Variants in IVD observed in about 807,000 individuals in gnomAD.
The protein encoded by IVD is isovaleryl-CoA dehydrogenase.
A neutral mutation model predicts 51.3 loss-of-function variants in IVD; 31 were observed. The ratio of observed to expected loss-of-function variants is 0.60; its 90% CI spans 0.45 to 0.81. The LOEUF (loss-of-function observed/expected upper bound fraction) is 0.81. Ranked by LOEUF, IVD falls within the 40% of genes least tolerant of loss-of-function variation. The pLI is 0.00. For synonymous variants in IVD, 205 were observed against 219.4 expected, an observed-to-expected ratio of 0.93 and a Z score of 0.58; for missense variants, 475 against 552.0, an observed-to-expected ratio of 0.86 and a Z score of 1.40.
intron 7 of IVD, 165 bp from the exon 8 acceptor site, chr15:40,414,724 G>A (rs1032231304): frequency 4.9e-6 from 6 of 1,215,770 alleles, no homozygotes; most frequent in African/African-American, 1.5e-5. Flanking sequence ...GACTGGAAGG[G>A]GTTCACTTGA....
Position 40,410,801 on chromosome 15 carries a change from A to C in IVD, c.456+4A>C. ...GAAAGAGAAGTATCTCCCGAAGGTG[A>C]GGAAATGGAAATGTAATACACGCTA... is the stretch of plus-strand genomic sequence containing the variant. On this transcript the variant is annotated splice_donor_region_variant and intron_variant, in intron 4 of 11. Coordinates refer to ENST00000487418, the MANE Select transcript of IVD (RefSeq NM_002225.5). 6.2e-7 allele frequency: 1 copy of C among 1,614,106 alleles called. No homozygotes were observed. The highest frequency in any genetic ancestry group is 8.5e-7 in the Non-Finnish European group (1 of 1,180,008).
At chr15:40,413,382 T>G (rs1891293120) in intron 7 of IVD, among the ~76,000 whole-genome samples, 1 of 152,342 alleles carries the variant, frequency 6.6e-6, no homozygotes, top group Admixed American at 6.5e-5. Flanking sequence ...TCCTGTACTT[T>G]CGCCCATCCA....
intron 3 of IVD, among the ~76,000 whole-genome samples, chr15:40,409,666 G>A (rs1031396585): frequency 2.0e-5 from 3 of 152,086 alleles, no homozygotes; most frequent in Admixed American, 6.6e-5. Context: ...GTGGTATCAG[G>A]TGTCTCAGCC....
chr15:40,421,210 G>A lies in IVD; in HGVS notation c.*2947G>A, dbSNP rs980125351. ...CAAAATGGGGCGCTTCATCCAGTCT[G>A]TCTAAGCCCTGTCGACTTGGGGAGG... On this transcript the variant is annotated 3_prime_UTR_variant, in exon 12 of 12. Transcript: ENST00000487418. 3.6e-5 allele frequency: 35 copies of A among 985,356 alleles called. No individual in the cohort carries two copies. Among genetic ancestry groups the A allele is most frequent in the Non-Finnish European group, 3.4e-5 (28 of 829,948 alleles). The allele number at this position is 985,356 out of a possible 1,614,324, so 61.0% of individuals were successfully genotyped here. A position where few individuals can be genotyped will look rare whatever the true frequency, so the allele number is the denominator to read the frequency against.
downstream of IVD, among the ~76,000 whole-genome samples, chr15:40,423,224 C>A (rs146500972): frequency 3.1e-3 from 467 of 152,292 alleles, 1 homozygote; most frequent in African/African-American, 0.011. Flanking sequence ...AGGCGTTGAG[C>A]CAGTGTGCCC....
chr15:40,420,295 GCAGGCA>G lies in IVD; in HGVS notation c.*2038_*2043del, dbSNP rs1472090373. ...GTGACCACCCACAGCTGACTGGGCA[GCAGGCA>G]CAGGCCCTACCCGAGCAGGCCGGAG... On this transcript the variant is annotated 3_prime_UTR_variant, in exon 12 of 12. Transcript: ENST00000487418. 1.0e-6 allele frequency: 1 copy of G among 987,566 alleles called. No individual in the cohort carries two copies. Among genetic ancestry groups the G allele is most frequent in the African/African-American group, 1.7e-5 (1 of 57,330 alleles). 61.2% of individuals were successfully genotyped at this position (987,566 alleles called of 1,614,324 possible).
In IVD at chr15:40,435,482, G is replaced by C. The variant is rs780618334; in HGVS notation, c.847G>C (p.Glu283Gln). Reference sequence around the variant, plus strand: ...CGAGACCCGAGGTCAGACGTCCCTGGAGCAGGTGAGCACTGCGAGGGAACT... The same window carrying C: ...CGAGACCCGAGGTCAGACGTCCCTGCAGCAGGTGAGCACTGCGAGGGAACT... Residue 283 changes from glutamate (E) to glutamine (Q), a missense_variant, in exon 9 of 9, where the codon GAG becomes CAG. Transcript: ENST00000473112. 209 of 1,255,400 alleles carry C rather than the reference G, an allele frequency of 1.7e-4. No individual in the cohort carries two copies. Among genetic ancestry groups the C allele is most frequent in the Non-Finnish European group, 2.1e-4 (203 of 967,536 alleles). 77.8% of individuals were successfully genotyped at this position (1,255,400 alleles called of 1,614,324 possible). A position where few individuals can be genotyped will look rare whatever the true frequency, so the allele number is the denominator to read the frequency against.
At chr15:40,412,205 T>C (rs190386847) in intron 6 of IVD, among the ~76,000 whole-genome samples, 4 of 151,420 alleles carry the variant, frequency 2.6e-5, no homozygotes, top group African/African-American at 9.7e-5. Context: ...GAGGGAGAAA[T>C]TGAAAAGTGT....
chr15:40,435,604 C>T, downstream of IVD: 1 of 1,109,424 alleles, frequency 9.0e-7, no homozygotes, highest in Non-Finnish European at 1.1e-6. Context: ...TCCTCAAAAT[C>T]CTTCTATGTT....
intron 6 of IVD, chr15:40,412,717 G>T (rs1595777186): frequency 4.5e-6 from 2 of 447,220 alleles, no homozygotes; most frequent in South Asian, 2.1e-5. Flanking sequence ...GGCCAGGGGG[G>T]TCGGGAGGGC....
chr15:40,420,565 G>A lies in IVD; in HGVS notation c.*2302G>A, dbSNP rs886051136. On this transcript the variant is annotated 3_prime_UTR_variant, in exon 12 of 12. Coordinates refer to ENST00000487418, the MANE Select transcript of IVD (RefSeq NM_002225.5). ...TCCTCCAGCCCGTTCTTTCATGAGG[G>A]ACAGGAAGGTAAAATCAGCCCTTAG... is the stretch of plus-strand genomic sequence containing the variant. The A allele has an allele frequency of 1.4e-5, 14 of 987,554 alleles. No homozygotes were observed. In the East Asian group the frequency reaches 5.7e-4, roughly 40 times the overall value. 61.2% of individuals were successfully genotyped at this position (987,554 alleles called of 1,614,324 possible).
downstream of IVD, among the ~76,000 whole-genome samples, chr15:40,422,585 CTTTTTT>C (rs1157351420): frequency 0.11 from 7,682 of 69,054 alleles, 1,036 homozygotes; most frequent in Non-Finnish European, 0.14. Context: ...GCCCGGCCGA[CTTTTTT>C]TTTTTTTTTT....
chr15:40,415,803 G>A (rs969768614), intron 9 of IVD, among the ~76,000 whole-genome samples: 1 of 152,210 alleles, frequency 6.6e-6, no homozygotes, highest in Non-Finnish European at 1.5e-5. Context: ...AGAAGCTGCT[G>A]GAAGGTAATA....
chr15:40,422,585 CTTTT>C (rs1157351420), downstream of IVD, among the ~76,000 whole-genome samples: 236 of 69,060 alleles, frequency 3.4e-3, 1 homozygote, highest in East Asian at 0.011. Flanking sequence ...GCCCGGCCGA[CTTTT>C]TTTTTTTTTT....
chr15:40,432,054 C>G (rs184575928), intron 7 of IVD, among the ~76,000 whole-genome samples: 3 of 151,782 alleles, frequency 2.0e-5, no homozygotes, highest in South Asian at 2.1e-4. Context: ...ATCTCCACCC[C>G]CCAGGTTCAA....
downstream of IVD, chr15:40,421,340 A>G: frequency 8.1e-6 from 8 of 985,468 alleles, no homozygotes; most frequent in Non-Finnish European, 9.6e-6. Context: ...TGGAAGAACA[A>G]GGGGCACGTC....
In IVD at chr15:40,420,872, G is replaced by C; in HGVS notation, c.*2609G>C. On this transcript the variant is annotated 3_prime_UTR_variant, in exon 12 of 12. Transcript: ENST00000487418. ...TGTGATCTGAGAAGGGAATGGGTCT[G>C]GGTTGTTCCACCCCTTCCGAGTTCC... 2.0e-6 allele frequency: 2 copies of C among 985,540 alleles called. No individual in the cohort carries two copies. Among genetic ancestry groups the C allele is most frequent in the South Asian group, 9.4e-5 (2 of 21,294 alleles). The allele number at this position is 985,540 out of a possible 1,614,324, so 61.0% of individuals were successfully genotyped here. A position where few individuals can be genotyped will look rare whatever the true frequency, so the allele number is the denominator to read the frequency against.
chr15:40,432,493 C>A (rs1893034055), intron 7 of IVD, among the ~76,000 whole-genome samples: 1 of 152,240 alleles, frequency 6.6e-6, no homozygotes, highest in African/African-American at 2.4e-5. Flanking sequence ...ACTGTAGTCC[C>A]CCCAGAGGGT....
chr15:40,407,170 G>A (rs150821595), intron 1 of IVD, among the ~76,000 whole-genome samples: 208 of 152,364 alleles, frequency 1.4e-3, no homozygotes, highest in African/African-American at 4.7e-3. Flanking sequence ...GCCGCCAAGA[G>A]GCGTTTCTAA....
Sources: allele counts gnomAD v4.1 joint callset (sites outside exome capture counted in the v4.1 genomes callset), GRCh38; gene constraint gnomAD v4.1.1; transcripts MANE v1.5; gene names NCBI Gene and HGNC (gene_info 2026-07-23, HGNC 2026-07-21).